ANKS1B: variants seen among roughly 807,000 people sequenced by gnomAD.
ANKS1B encodes ankyrin repeat and sterile alpha motif domain containing 1B.
A neutral mutation model predicts 148.3 loss-of-function variants in ANKS1B; 36 were observed. That is an observed-to-expected ratio of 0.24 (90% CI 0.19 to 0.32). The LOEUF (loss-of-function observed/expected upper bound fraction) is 0.32, where lower values mean the gene tolerates loss of function less well. Ranked by LOEUF, ANKS1B falls within the 10% of genes least tolerant of loss-of-function variation. ANKS1B has a pLI of 1.00. For missense variants in ANKS1B, 1,157 were observed against 1,542.6 expected (o/e 0.75, Z 4.19); for synonymous variants, 542 against 560.8 (o/e 0.97, Z 0.47).
At chr12:99,542,609 A>G (rs1441014078) in intron 9 of ANKS1B, among the ~76,000 whole-genome samples, 1 of 152,116 alleles carries the variant, frequency 6.6e-6, no homozygotes, top group Non-Finnish European at 1.5e-5. Flanking sequence ...CAGAATAGCC[A>G]AAAAATTTTG....
intron 5 of ANKS1B, among the ~76,000 whole-genome samples, chr12:99,780,469 A>G (rs573088538): frequency 3.0e-4 from 46 of 151,494 alleles, no homozygotes; most frequent in African/African-American, 1.0e-3. Context: ...TTTTTAGTAG[A>G]GACGGGGTTT....
intron 14 of ANKS1B, among the ~76,000 whole-genome samples, chr12:99,221,397 C>G (rs1278949502): frequency 6.6e-6 from 1 of 151,976 alleles, no homozygotes; most frequent in Non-Finnish European, 1.5e-5. Flanking sequence ...AGTTAAGTTG[C>G]AAGTAAATGA....
At chr12:99,224,685 G>T (rs1416561278) in intron 14 of ANKS1B, among the ~76,000 whole-genome samples, 1 of 152,096 alleles carries the variant, frequency 6.6e-6, no homozygotes, top group Non-Finnish European at 1.5e-5. Context: ...GCAGTCTCAG[G>T]TATTTCTTTA....
intron 15 of ANKS1B, among the ~76,000 whole-genome samples, chr12:99,119,333 G>A (rs2062153772): frequency 6.6e-6 from 1 of 152,118 alleles, no homozygotes; most frequent in African/African-American, 2.4e-5. Flanking sequence ...TAGAGCTTCT[G>A]GAGGGAATGA....
chr12:99,655,027 A>C, intron 9 of ANKS1B, 40 bp downstream of exon 9: 1 of 1,526,806 alleles, frequency 6.5e-7, no homozygotes, highest in Non-Finnish European at 8.8e-7. Context: ...ATAGGCAACC[A>C]TTTTTGTTTT....
chr12:99,422,332 T>C (rs11109838), intron 11 of ANKS1B, among the ~76,000 whole-genome samples: 54,161 of 152,076 alleles, frequency 0.36, 13,086 homozygotes, highest in African/African-American at 0.69. Context: ...AAAAGATAGA[T>C]GCCATTCTTT....
At chr12:98,949,859 T>G (rs889781556) in intron 17 of ANKS1B, 1 of 152,158 alleles carries the variant, frequency 6.6e-6, no homozygotes, top group Non-Finnish European at 1.5e-5. Context: ...GAGTCTCCCT[T>G]GAATTGCAGG....
intron 17 of ANKS1B, among the ~76,000 whole-genome samples, chr12:99,019,413 T>C (rs2099944451): frequency 1.3e-5 from 2 of 152,172 alleles, no homozygotes; most frequent in South Asian, 4.1e-4. Context: ...TGACATTTGG[T>C]GGCCAAGTCA....
At chr12:99,929,813 T>C (rs945344891) in intron 1 of ANKS1B, among the ~76,000 whole-genome samples, 4 of 152,144 alleles carry the variant, frequency 2.6e-5, no homozygotes, top group Admixed American at 6.5e-5. Flanking sequence ...GTTGCAGATA[T>C]GCGGCATTAT....
intron 12 of ANKS1B, among the ~76,000 whole-genome samples, chr12:99,319,920 G>T (rs957622990): frequency 6.6e-6 from 1 of 152,192 alleles, no homozygotes; most frequent in African/African-American, 2.4e-5. Flanking sequence ...TTGTTTGTCT[G>T]TAAAGGATTT....
At chr12:99,532,519 C>T (rs1163817086) in intron 9 of ANKS1B, among the ~76,000 whole-genome samples, 1 of 152,142 alleles carries the variant, frequency 6.6e-6, no homozygotes, top group African/African-American at 2.4e-5. Flanking sequence ...TGCCACCCAA[C>T]CTGGCTAATT....
At chr12:99,281,776 T>G (rs2078491814) in intron 12 of ANKS1B, among the ~76,000 whole-genome samples, 1 of 152,206 alleles carries the variant, frequency 6.6e-6, no homozygotes, top group Non-Finnish European at 1.5e-5. Context: ...GAAAGTAGGC[T>G]GTCATAGGTT....
intron 14 of ANKS1B, among the ~76,000 whole-genome samples, chr12:99,232,070 A>C (rs1348697614): frequency 3.9e-5 from 6 of 152,084 alleles, no homozygotes; most frequent in African/African-American, 1.4e-4. Flanking sequence ...GAAGAGAAGC[A>C]AAAGCTTAGA....
chr12:99,143,822 C>G (rs1249151752), intron 15 of ANKS1B, among the ~76,000 whole-genome samples: 1 of 152,044 alleles, frequency 6.6e-6, no homozygotes, highest in African/African-American at 2.4e-5. Context: ...TCTGAATCAT[C>G]ATCCACCCAA....
At chr12:99,702,059 A>C (rs1326903798) in intron 8 of ANKS1B, among the ~76,000 whole-genome samples, 1 of 152,160 alleles carries the variant, frequency 6.6e-6, no homozygotes, top group Non-Finnish European at 1.5e-5. Flanking sequence ...TATATCTAGC[A>C]GTGGGATTGC....
chr12:99,829,952 C>T (rs1295184961), intron 1 of ANKS1B, among the ~76,000 whole-genome samples: 1 of 152,100 alleles, frequency 6.6e-6, no homozygotes, highest in African/African-American at 2.4e-5. Flanking sequence ...ATTAAACAAA[C>T]AAACCAAATT....
In ANKS1B at chr12:99,609,674, C is replaced by T. The variant is rs2097883577; in HGVS notation, c.1272+45393G>A. On this transcript the variant is annotated intron_variant, in intron 9 of 26. Transcript: ENST00000683438. Reference sequence around the variant, plus strand: ...GCTGACAGAGATCAGGGGGGATATTCTCACAAGTCTTAAGGCCGAACTCTC... The same window carrying T: ...GCTGACAGAGATCAGGGGGGATATTTTCACAAGTCTTAAGGCCGAACTCTC... Among the ~76,000 whole-genome samples the T allele has an allele frequency of 2.0e-5, 3 of 152,002 alleles. No homozygotes were observed. In the South Asian group the frequency reaches 6.3e-4, roughly 32 times the overall value.
intron 17 of ANKS1B, among the ~76,000 whole-genome samples, chr12:98,937,974 T>C (rs1349378566): frequency 9.9e-4 from 150 of 152,128 alleles, no homozygotes; most frequent in Non-Finnish European, 1.8e-4. Flanking sequence ...TCACGATCAC[T>C]AGAGCAGCAT....
intron 8 of ANKS1B, among the ~76,000 whole-genome samples, chr12:99,662,290 G>A (rs1422102661): frequency 6.6e-6 from 1 of 151,908 alleles, no homozygotes; most frequent in Non-Finnish European, 1.5e-5. Flanking sequence ...TTTCTTATAT[G>A]CCTTCACAGT....
Sources: gnomAD v4.1 joint callset for allele counts (sites outside exome capture counted in the v4.1 genomes callset) on GRCh38, gnomAD v4.1.1 for gene constraint, MANE v1.5 for transcripts, NCBI Gene and HGNC (gene_info 2026-07-23, HGNC 2026-07-21) for gene names.